The following KCNT2 variants were observed in gnomAD, a reference collection of about 807,000 sequenced individuals.
KCNT2 encodes the protein potassium sodium-activated channel subfamily T member 2, also known as potassium channel subfamily T member 2.
A neutral mutation model predicts 153.8 loss-of-function variants in KCNT2; 67 were observed. The observed-to-expected ratio is 0.44, with a 90% CI of 0.36 to 0.53. KCNT2 has a LOEUF of 0.53. Among genes scored for constraint, KCNT2 ranks in the 20% least tolerant of loss-of-function variants. The pLI is 0.00. For synonymous variants in KCNT2, 500 were observed against 458.8 expected, an observed-to-expected ratio of 1.09 and a Z score of -1.15; for missense variants, 975 against 1,354.8, an observed-to-expected ratio of 0.72 and a Z score of 4.40.
chr1:196,388,581 T>G (rs75897829), intron 13 of KCNT2, among the ~76,000 whole-genome samples: 43 of 151,770 alleles, frequency 2.8e-4, no homozygotes, highest in African/African-American at 9.9e-4. Context: ...TCAGCAATGT[T>G]TATAGTTTCT....
Position 196,257,178 on chromosome 1 carries a change from A to G in KCNT2, c.3211+1016T>C, listed in dbSNP as rs537601747. 2.3e-4 allele frequency: 210 copies of G among 925,356 alleles called. No homozygotes were observed. In the Admixed American group the frequency reaches 2.5e-3, roughly 11 times the overall value. The allele number at this position is 925,356 out of a possible 1,614,324, so 57.3% of individuals were successfully genotyped here. A position where few individuals can be genotyped will look rare whatever the true frequency, so the allele number is the denominator to read the frequency against. Reference sequence around the variant, plus strand: ...TCAAATCAGGGTTATAAAGAGTAACAAGAATATACACATAAAGCACCTAGC... The same window carrying G: ...TCAAATCAGGGTTATAAAGAGTAACGAGAATATACACATAAAGCACCTAGC... On this transcript the variant is annotated intron_variant, in intron 26 of 27. Transcript: ENST00000294725.
chr1:196,350,080 C>A (rs555000963), intron 14 of KCNT2, among the ~76,000 whole-genome samples: 1 of 152,110 alleles, frequency 6.6e-6, no homozygotes, highest in African/African-American at 2.4e-5. Flanking sequence ...TGTATATGTG[C>A]CACATTTTCT....
chr1:196,580,339 G>C (rs1327481935), intron 1 of KCNT2, among the ~76,000 whole-genome samples: 2 of 152,116 alleles, frequency 1.3e-5, no homozygotes, highest in Admixed American at 6.5e-5. Context: ...TCAGTGGGAG[G>C]GGAGGGAGTT....
intron 23 of KCNT2, among the ~76,000 whole-genome samples, chr1:196,285,167 G>C (rs1659539190): frequency 6.6e-6 from 1 of 152,146 alleles, no homozygotes; most frequent in Admixed American, 6.5e-5. Context: ...AGTGGTTTTA[G>C]TTGTTGTAGT....
intron 1 of KCNT2, among the ~76,000 whole-genome samples, chr1:196,500,190 G>C (rs1680563684): frequency 6.8e-6 from 1 of 148,060 alleles, no homozygotes; most frequent in African/African-American, 2.5e-5. Flanking sequence ...AAGGAAGGGA[G>C]GGAGGGAAGG....
At chr1:196,589,825 A>G (rs1437829738) in intron 1 of KCNT2, among the ~76,000 whole-genome samples, 3 of 51,420 alleles carry the variant, frequency 5.8e-5, no homozygotes, top group East Asian at 2.9e-3. Flanking sequence ...TAATTTATGC[A>G]TACAGATTTC....
At chr1:196,449,587 A>G (rs1386588957) in intron 8 of KCNT2, among the ~76,000 whole-genome samples, 2 of 151,696 alleles carry the variant, frequency 1.3e-5, no homozygotes. Flanking sequence ...AAGTATCTCA[A>G]CACACTCTGA....
chr1:196,312,695 C>G (rs1662307440), intron 21 of KCNT2, among the ~76,000 whole-genome samples: 1 of 151,728 alleles, frequency 6.6e-6, no homozygotes, highest in Non-Finnish European at 1.5e-5. Context: ...CCTTACTAAT[C>G]AACGAATTAG....
Position 196,570,067 on chromosome 1 carries a change from TAAAAAAA to T in KCNT2, c.95+38141_95+38147del, listed in dbSNP as rs199836975. On this transcript the variant is annotated intron_variant, in intron 1 of 27. Transcript: ENST00000294725. ...TGAGTCCAGGAAGCTTGAGCTAGAG[TAAAAAAA>T]AAAAAAAAAAAAAAAAAAAAAAAAT... Among the ~76,000 whole-genome samples the T allele has an allele frequency of 2.5e-4, 34 of 133,738 alleles. No individual in the cohort carries two copies. In the South Asian group the frequency reaches 3.6e-3, roughly 14 times the overall value. 87.7% of individuals were successfully genotyped at this position (133,738 alleles called of 152,430 possible). A position where few individuals can be genotyped will look rare whatever the true frequency, so the allele number is the denominator to read the frequency against.
At chr1:196,267,088 A>G (rs941849169) in intron 25 of KCNT2, among the ~76,000 whole-genome samples, 1 of 152,178 alleles carries the variant, frequency 6.6e-6, no homozygotes, top group African/African-American at 2.4e-5. Flanking sequence ...TACACATAGA[A>G]TACTTAAACA....
intron 1 of KCNT2, among the ~76,000 whole-genome samples, chr1:196,517,198 T>G (rs1652694699): frequency 6.6e-6 from 1 of 152,136 alleles, no homozygotes; most frequent in Non-Finnish European, 1.5e-5. Flanking sequence ...GTCCCAGTAC[T>G]CTCTTCTCCC....
intron 3 of KCNT2, among the ~76,000 whole-genome samples, chr1:196,489,008 T>C (rs1352212724): frequency 6.6e-6 from 1 of 151,920 alleles, no homozygotes; most frequent in African/African-American, 2.4e-5. Context: ...CTGTTATCCA[T>C]AAAGTTGTTT....
intron 25 of KCNT2, among the ~76,000 whole-genome samples, chr1:196,261,428 A>G (rs954485613): frequency 6.6e-6 from 1 of 151,960 alleles, no homozygotes; most frequent in African/African-American, 2.4e-5. Context: ...TAATGCATGA[A>G]AAGGCATAGT....
chr1:196,590,580 T>C (rs1663222426), intron 1 of KCNT2, among the ~76,000 whole-genome samples: 2 of 152,132 alleles, frequency 1.3e-5, no homozygotes, highest in African/African-American at 2.4e-5. Context: ...CCAGATAATG[T>C]AGGACATGCT....
At chr1:196,490,746 A>C (rs1031014883) in intron 2 of KCNT2, among the ~76,000 whole-genome samples, 2 of 151,848 alleles carry the variant, frequency 1.3e-5, no homozygotes, top group Non-Finnish European at 1.5e-5. Context: ...AGAGTATTTA[A>C]GATTAAGCAC....
rs781362088 is a variant in KCNT2 at position 196,281,001 on chromosome 1, C to T, written c.2782-13G>A. On this transcript the variant is annotated splice_polypyrimidine_tract_variant and intron_variant, in intron 24 of 27. Coordinates refer to ENST00000294725, the MANE Select transcript of KCNT2 (RefSeq NM_198503.5). ...CAGTGATTTTCATCTATAACACACACAAATTATTTACATATTAAATGTGTC... is the reference window on the plus strand; with the variant it reads ...CAGTGATTTTCATCTATAACACACATAAATTATTTACATATTAAATGTGTC... 6.3e-7 allele frequency: 1 copy of T among 1,590,554 alleles called. No individual in the cohort carries two copies. The highest frequency in any genetic ancestry group is 1.1e-5 in the South Asian group (1 of 89,976).
intron 14 of KCNT2, among the ~76,000 whole-genome samples, chr1:196,368,684 AC>A (rs1385268542): frequency 6.6e-6 from 1 of 152,106 alleles, no homozygotes; most frequent in African/African-American, 2.4e-5. Flanking sequence ...ATTATGCTAT[AC>A]TATATTTGCT....
chr1:196,314,485 G>A (rs945983522), intron 21 of KCNT2, among the ~76,000 whole-genome samples: 3 of 151,588 alleles, frequency 2.0e-5, no homozygotes, highest in Admixed American at 6.6e-5. Context: ...TAGTTAACTA[G>A]TTAGCTATAT....
intron 1 of KCNT2, among the ~76,000 whole-genome samples, chr1:196,579,704 G>T (rs1463966698): frequency 6.6e-6 from 1 of 151,906 alleles, no homozygotes; most frequent in East Asian, 1.9e-4. Flanking sequence ...TGTTGGCCAG[G>T]CTGGTCTGGA....
Sources: gnomAD v4.1 joint callset for allele counts (sites outside exome capture counted in the v4.1 genomes callset) on GRCh38, gnomAD v4.1.1 for gene constraint, MANE v1.5 for transcripts, NCBI Gene and HGNC (gene_info 2026-07-23, HGNC 2026-07-21) for gene names.